MTUS2: variants seen among roughly 807,000 people sequenced by gnomAD.
MTUS2 encodes microtubule associated scaffold protein 2.
MTUS2 carries 40 observed loss-of-function variants against 114.1 expected under a neutral mutation model. The observed-to-expected ratio is 0.35, with a 90% CI of 0.27 to 0.46. The LOEUF (loss-of-function observed/expected upper bound fraction) is 0.46. Ranked by LOEUF, MTUS2 falls within the 20% of genes least tolerant of loss-of-function variation. MTUS2 has a pLI of 1.00. For missense variants in MTUS2, 1,679 were observed against 1,705.4 expected (o/e 0.98, Z 0.27); for synonymous variants, 688 against 672.0 (o/e 1.02, Z -0.37).
chr13:29,259,449 G>C (rs1238245586), intron 5 of MTUS2, among the ~76,000 whole-genome samples: 2 of 152,212 alleles, frequency 1.3e-5, no homozygotes, highest in African/African-American at 4.8e-5. Context: ...CCCTGCTTAA[G>C]ACTTCGTGTT....
At chr13:29,435,270 G>T (rs1462573906) in intron 8 of MTUS2, among the ~76,000 whole-genome samples, 2 of 152,152 alleles carry the variant, frequency 1.3e-5, no homozygotes, top group Non-Finnish European at 2.9e-5. Context: ...TATATCACCA[G>T]GACAGTTTGG....
chr13:29,489,220 C>T (rs1881872556), intron 11 of MTUS2, among the ~76,000 whole-genome samples: 1 of 152,028 alleles, frequency 6.6e-6, no homozygotes, highest in Admixed American at 6.6e-5. Context: ...TGCAGTGAGT[C>T]AAGATTGCGC....
intron 2 of MTUS2, among the ~76,000 whole-genome samples, chr13:28,966,765 A>G (rs964473827): frequency 2.1e-5 from 3 of 144,784 alleles, no homozygotes; most frequent in African/African-American, 7.6e-5. Flanking sequence ...ACTGATTATT[A>G]TTTTTTGAAC....
At chr13:29,323,206 C>T (rs1472281730) in intron 6 of MTUS2, among the ~76,000 whole-genome samples, 1 of 151,396 alleles carries the variant, frequency 6.6e-6, no homozygotes, top group Non-Finnish European at 1.5e-5. Context: ...ATCCATAAGA[C>T]GATGGTGAAC....
intron 4 of MTUS2, among the ~76,000 whole-genome samples, chr13:29,069,377 G>A (rs756018639): frequency 3.3e-5 from 5 of 152,162 alleles, no homozygotes; most frequent in South Asian, 2.1e-4. Context: ...AGTTCAATCC[G>A]TCAGGTTGGG....
chr13:29,255,196 A>T (rs2139443883), intron 5 of MTUS2, among the ~76,000 whole-genome samples: 1 of 152,292 alleles, frequency 6.6e-6, no homozygotes, highest in East Asian at 1.9e-4. Flanking sequence ...TGGCCAAGGG[A>T]GCTGCAGCTC....
At chr13:29,048,760 G>T (rs1380348594) in intron 4 of MTUS2, among the ~76,000 whole-genome samples, 2 of 152,044 alleles carry the variant, frequency 1.3e-5, no homozygotes, top group Admixed American at 1.3e-4. Flanking sequence ...ACACACCCCT[G>T]CACACAGCTA....
chr13:28,941,781 A>G (rs1396833105), intron 2 of MTUS2, among the ~76,000 whole-genome samples: 1 of 151,898 alleles, frequency 6.6e-6, no homozygotes, highest in Non-Finnish European at 1.5e-5. Flanking sequence ...AGAATCTGGA[A>G]TTATACCGAT....
At chr13:29,363,964 A>G (rs1180221980) in intron 8 of MTUS2, among the ~76,000 whole-genome samples, 2 of 152,188 alleles carry the variant, frequency 1.3e-5, no homozygotes, top group Admixed American at 1.3e-4. Flanking sequence ...GGGAGATTGC[A>G]TAGTCCTCTG....
intron 5 of MTUS2, among the ~76,000 whole-genome samples, chr13:29,126,932 G>A (rs1193592692): frequency 2.0e-5 from 3 of 152,200 alleles, no homozygotes; most frequent in Non-Finnish European, 4.4e-5. Context: ...TGCATGTAAA[G>A]CACACTGGAC....
At chr13:28,900,979 C>T (rs1000443241) in intron 2 of MTUS2, among the ~76,000 whole-genome samples, 1 of 152,206 alleles carries the variant, frequency 6.6e-6, no homozygotes, top group African/African-American at 2.4e-5. Context: ...GTTAGAGAGG[C>T]TGTACCAGTT....
intron 2 of MTUS2, among the ~76,000 whole-genome samples, chr13:28,904,358 G>T (rs1478310853): frequency 6.6e-6 from 1 of 152,142 alleles, no homozygotes; most frequent in Non-Finnish European, 1.5e-5. Context: ...TATTGCCTAG[G>T]TTTTCTTCTG....
intron 2 of MTUS2, among the ~76,000 whole-genome samples, chr13:29,006,997 C>G (rs1885630637): frequency 6.6e-6 from 1 of 152,186 alleles, no homozygotes; most frequent in South Asian, 2.1e-4. Context: ...CCCACTGATT[C>G]AGCTTCAAGT....
At chr13:29,355,048 C>T (rs1375886300) in intron 7 of MTUS2, among the ~76,000 whole-genome samples, 2 of 152,298 alleles carry the variant, frequency 1.3e-5, no homozygotes, top group East Asian at 3.9e-4. Flanking sequence ...TATTGAGGTT[C>T]CCGTGCTGCA....
intron 8 of MTUS2, among the ~76,000 whole-genome samples, chr13:29,432,907 C>G (rs1195940159): frequency 6.6e-6 from 1 of 152,206 alleles, no homozygotes; most frequent in East Asian, 1.9e-4. Flanking sequence ...CACTGTTCCT[C>G]CCAGGTATGT....
intron 9 of MTUS2, among the ~76,000 whole-genome samples, chr13:29,453,605 A>G (rs763983576): frequency 6.6e-6 from 1 of 152,188 alleles, no homozygotes; most frequent in Non-Finnish European, 1.5e-5. Flanking sequence ...GGTAGGGGAA[A>G]AACAGCTTAA....
chr13:29,478,693 A>T (rs141728513), intron 9 of MTUS2, among the ~76,000 whole-genome samples: 6 of 152,096 alleles, frequency 3.9e-5, no homozygotes, highest in Non-Finnish European at 7.4e-5. Context: ...TACTGCCTAC[A>T]CATGGAATGG....
intron 5 of MTUS2, among the ~76,000 whole-genome samples, chr13:29,228,355 C>T (rs539865749): frequency 6.6e-6 from 1 of 152,208 alleles, no homozygotes; most frequent in Non-Finnish European, 1.5e-5. Context: ...GGATCTCACT[C>T]TGTTGCCCAG....
At chr13:29,139,859 G>A (rs1892143816) in intron 5 of MTUS2, among the ~76,000 whole-genome samples, 1 of 152,196 alleles carries the variant, frequency 6.6e-6, no homozygotes, top group African/African-American at 2.4e-5. Flanking sequence ...AGGCACATGG[G>A]CAAAGAGGAA....
Sources: gnomAD v4.1 joint callset for allele counts (sites outside exome capture counted in the v4.1 genomes callset) on GRCh38, gnomAD v4.1.1 for gene constraint, MANE v1.5 for transcripts, NCBI Gene and HGNC (gene_info 2026-07-23, HGNC 2026-07-21) for gene names.